ROBO1: variants seen among roughly 807,000 people sequenced by gnomAD.
The protein encoded by ROBO1 is roundabout guidance receptor 1.
In ROBO1, 149 loss-of-function variants were observed where a neutral mutation model predicts 195.9. The ratio of observed to expected loss-of-function variants is 0.76; its 90% confidence interval spans 0.67 to 0.87. The LOEUF is 0.87. Among genes scored for constraint, ROBO1 ranks in the 40% least tolerant of loss-of-function variants. ROBO1 has a pLI of 0.00. For synonymous variants in ROBO1, 816 were observed against 733.2 expected, an observed-to-expected ratio of 1.11 and a Z score of -1.82; for missense variants, 1,933 against 2,068.3, an observed-to-expected ratio of 0.93 and a Z score of 1.27.
At chr3:79,758,622 T>C (rs1704532424) in intron 1 of ROBO1, among the ~76,000 whole-genome samples, 1 of 152,170 alleles carries the variant, frequency 6.6e-6, no homozygotes, top group Admixed American at 6.5e-5. Flanking sequence ...GATGAACATA[T>C]TCTCTACAGA....
At chr3:79,273,958 G>A (rs528584200) in intron 2 of ROBO1, among the ~76,000 whole-genome samples, 1 of 151,914 alleles carries the variant, frequency 6.6e-6, no homozygotes, top group Non-Finnish European at 1.5e-5. Context: ...TTCAGCAAGA[G>A]GATACAACAA....
At chr3:78,749,278 T>G (rs1215987090) in intron 4 of ROBO1, among the ~76,000 whole-genome samples, 2 of 152,192 alleles carry the variant, frequency 1.3e-5, no homozygotes, top group Admixed American at 1.3e-4. Context: ...TAATGCTATA[T>G]CTTATTTACA....
intron 3 of ROBO1, among the ~76,000 whole-genome samples, chr3:78,967,246 A>T (rs1298391267): frequency 6.6e-6 from 1 of 152,136 alleles, no homozygotes; most frequent in South Asian, 2.1e-4. Flanking sequence ...AAATATAAGG[A>T]CATGTGACTC....
intron 1 of ROBO1, among the ~76,000 whole-genome samples, chr3:79,700,513 T>A (rs181852300): frequency 3.1e-4 from 47 of 151,922 alleles, no homozygotes; most frequent in Middle Eastern, 3.4e-3. Flanking sequence ...AAGTGTTCAC[T>A]TTATTCTTCA....
At chr3:78,678,364 CA>C (rs1244339030) in intron 10 of ROBO1, among the ~76,000 whole-genome samples, 3 of 151,844 alleles carry the variant, frequency 2.0e-5, no homozygotes, top group Non-Finnish European at 4.4e-5. Context: ...AAAAACCCTT[CA>C]AAAAATTAAT....
At chr3:79,272,712 G>A (rs966101156) in intron 2 of ROBO1, among the ~76,000 whole-genome samples, 2 of 152,178 alleles carry the variant, frequency 1.3e-5, no homozygotes, top group Non-Finnish European at 2.9e-5. Flanking sequence ...CCCATGGAGG[G>A]AGCATTTAGA....
chr3:78,732,448 T>G lies in ROBO1; in HGVS notation c.657+14295A>C, dbSNP rs73848378. Among the ~76,000 whole-genome samples, 1,093 of 152,290 alleles carry G rather than the reference T, an allele frequency of 7.2e-3. 15 individuals carry two copies. Among genetic ancestry groups the G allele is most frequent in the Middle Eastern group, 0.027 (8 of 294 alleles). On this transcript the variant is annotated intron_variant, in intron 5 of 30. Transcript: ENST00000464233. ...TATGTTTACATTTCATATTTGCATG[T>G]GTTGTCTGTAGGACTAATGTTGTAA...
chr3:78,658,040 T>C (rs1458263360), intron 17 of ROBO1, among the ~76,000 whole-genome samples: 1 of 152,160 alleles, frequency 6.6e-6, no homozygotes, highest in Non-Finnish European at 1.5e-5. Context: ...CAATACATAT[T>C]TGATGTGAAA....
intron 2 of ROBO1, among the ~76,000 whole-genome samples, chr3:79,391,671 A>G (rs1374824068): frequency 6.6e-6 from 1 of 152,142 alleles, no homozygotes; most frequent in Non-Finnish European, 1.5e-5. Context: ...AATTCAAGTT[A>G]TGCATTTTTA....
chr3:78,952,433 A>T (rs537461650), intron 3 of ROBO1, among the ~76,000 whole-genome samples: 1 of 151,668 alleles, frequency 6.6e-6, no homozygotes, highest in Non-Finnish European at 1.5e-5. Flanking sequence ...TTGCTGCTTA[A>T]CACTTTTATT....
intron 2 of ROBO1, among the ~76,000 whole-genome samples, chr3:79,343,201 C>T (rs956343378): frequency 6.6e-6 from 1 of 152,086 alleles, no homozygotes; most frequent in African/African-American, 2.4e-5. Flanking sequence ...GAATAATATT[C>T]TATTGTCTGG....
At chr3:78,683,014 C>T (rs968159294) in intron 10 of ROBO1, among the ~76,000 whole-genome samples, 1 of 151,852 alleles carries the variant, frequency 6.6e-6, no homozygotes. Context: ...CCTGTGACCT[C>T]CAATATAGTG....
chr3:79,163,954 G>A (rs1275322741), intron 2 of ROBO1, among the ~76,000 whole-genome samples: 1 of 152,076 alleles, frequency 6.6e-6, no homozygotes, highest in African/African-American at 2.4e-5. Context: ...GTATGGTAAT[G>A]ACATTGATGA....
At chr3:79,255,018 T>C (rs2082803273) in intron 2 of ROBO1, among the ~76,000 whole-genome samples, 1 of 152,170 alleles carries the variant, frequency 6.6e-6, no homozygotes, top group Admixed American at 6.6e-5. Context: ...CTTCAATATA[T>C]GCTTTCAAAT....
intron 4 of ROBO1, among the ~76,000 whole-genome samples, chr3:78,886,168 T>C (rs986673724): frequency 1.3e-5 from 2 of 151,860 alleles, no homozygotes; most frequent in African/African-American, 4.8e-5. Context: ...AATTATAGTA[T>C]TTTAGAATAT....
At chr3:79,642,850 C>T (rs1945707083) in intron 1 of ROBO1, among the ~76,000 whole-genome samples, 1 of 152,124 alleles carries the variant, frequency 6.6e-6, no homozygotes. Flanking sequence ...AATTAAGTAC[C>T]TGGACAAACC....
chr3:79,565,035 G>A (rs1943047095), intron 2 of ROBO1, among the ~76,000 whole-genome samples: 1 of 152,068 alleles, frequency 6.6e-6, no homozygotes, highest in African/African-American at 2.4e-5. Context: ...ACTATCATGT[G>A]AATATGCACT....
chr3:79,543,685 C>T (rs923460232), intron 2 of ROBO1, among the ~76,000 whole-genome samples: 23 of 152,040 alleles, frequency 1.5e-4, no homozygotes, highest in African/African-American at 5.6e-4. Context: ...CAGAGGCAAG[C>T]CCTTTTTATT....
chr3:79,091,727 G>A (rs2079483574), intron 3 of ROBO1, among the ~76,000 whole-genome samples: 1 of 152,116 alleles, frequency 6.6e-6, no homozygotes, highest in African/African-American at 2.4e-5. Flanking sequence ...GCAAACTTGA[G>A]GGAACAAACC....
Sources: allele counts gnomAD v4.1 joint callset (sites outside exome capture counted in the v4.1 genomes callset), GRCh38; gene constraint gnomAD v4.1.1; transcripts MANE v1.5; gene names NCBI Gene and HGNC (gene_info 2026-07-23, HGNC 2026-07-21).